Variants in PRPF40B observed in about 807,000 individuals in gnomAD.
PRPF40B encodes pre-mRNA-processing factor 40 homolog B.
Under a neutral mutation model 124.5 loss-of-function variants are expected in PRPF40B, and 56 were observed. The ratio of observed to expected loss-of-function variants is 0.45; its 90% CI spans 0.36 to 0.56. PRPF40B has a LOEUF of 0.56. PRPF40B is among the 20% of genes least tolerant of loss of function. The pLI, the probability that PRPF40B is intolerant of heterozygous loss-of-function variation, is 0.00. For synonymous variants in PRPF40B, 443 were observed against 426.4 expected (o/e 1.04, Z -0.48); for missense variants, 1,053 against 1,169.5 (o/e 0.90, Z 1.45).
chr12:49,632,163 C>CTT (rs1217849610), intron 4 of PRPF40B: 2 of 607,368 alleles, frequency 3.3e-6, no homozygotes, highest in African/African-American at 3.7e-5. Flanking sequence ...GTCCAGCTCC[C>CTT]TTAAGGAGCA....
At chr12:49,644,057 C>T in intron 25 of PRPF40B, 43 bp from the exon 26 acceptor site, 1 of 1,614,158 alleles carries the variant, frequency 6.2e-7, no homozygotes, top group Non-Finnish European at 8.5e-7. Flanking sequence ...CTTCCACGGC[C>T]CTTAGTGCAG....
At chr12:49,641,872 G>A (rs368121359) in intron 18 of PRPF40B, 36 bp from the exon 19 acceptor site, 17 of 1,587,412 alleles carry the variant, frequency 1.1e-5, no homozygotes, top group East Asian at 4.5e-5. Flanking sequence ...CCTCAGGCAC[G>A]TGGTGCCCCT....
chr12:49,636,610 T>C, intron 15 of PRPF40B, 106 bp from the exon 16 acceptor site: 1 of 1,504,488 alleles, frequency 6.6e-7, no homozygotes, highest in South Asian at 1.2e-5. Context: ...CCACCCTGGG[T>C]ATCCCTAGCA....
intron 18 of PRPF40B, chr12:49,638,523 G>A (rs188074698): frequency 6.6e-6 from 1 of 152,230 alleles, no homozygotes; most frequent in Non-Finnish European, 1.5e-5. Context: ...TTCTTCTACT[G>A]GAGAAGAGAA....
chr12:49,630,601 G>GC lies in PRPF40B; in HGVS notation c.66dup (p.Met23HisfsTer100), dbSNP rs1457044924. The GC allele has an allele frequency of 3.7e-6, 5 of 1,349,786 alleles. No homozygotes were observed. Among genetic ancestry groups the GC allele is most frequent in the African/African-American group, 1.4e-5 (1 of 69,816 alleles). The allele number at this position is 1,349,786 out of a possible 1,614,324, so 83.6% of individuals were successfully genotyped here. ...CAGCGCCTGCCCCCTTCCCACCGGG[G>GC]CCCCCCATGATGCCACCACCCTTCG... On this transcript the variant is annotated frameshift_variant, in exon 2 of 26. Coordinates refer to ENST00000548825, the MANE Select transcript of PRPF40B (RefSeq NM_001031698.3). LOFTEE classifies it high-confidence loss of function.
chr12:49,628,257 T>C (rs1467531777), intron 1 of PRPF40B, among the ~76,000 whole-genome samples: 1 of 152,084 alleles, frequency 6.6e-6, no homozygotes, highest in Admixed American at 6.6e-5. Context: ...CAGTTTGTTG[T>C]TGTTGTTGTT....
Position 49,632,996 on chromosome 12 carries a change from G to GGGGGC in PRPF40B, c.349-18_349-17insGGGGC. 4 of 1,147,386 alleles carry GGGGGC rather than the reference G, an allele frequency of 3.5e-6. No homozygotes were observed. Among genetic ancestry groups the GGGGGC allele is most frequent in the Non-Finnish European group, 4.9e-6 (4 of 823,000 alleles). The allele number at this position is 1,147,386 out of a possible 1,614,324, so 71.1% of individuals were successfully genotyped here. A position where few individuals can be genotyped will look rare whatever the true frequency, so the allele number is the denominator to read the frequency against. Reference sequence around the variant, plus strand: ...AAAGGGGCCTTGACCACCATTCTGTGCCCCCCCCCCCACCCAGAGGGCCCT... The same window carrying GGGGGC: ...AAAGGGGCCTTGACCACCATTCTGTGGGGGCCCCCCCCCCCCACCCAGAGGGCCCT... On this transcript the variant is annotated splice_polypyrimidine_tract_variant and intron_variant, in intron 6 of 25. Transcript: ENST00000548825.
intron 1 of PRPF40B, among the ~76,000 whole-genome samples, chr12:49,624,632 C>T (rs1156612834): frequency 6.6e-6 from 1 of 152,118 alleles, no homozygotes; most frequent in Non-Finnish European, 1.5e-5. Flanking sequence ...GGCGAATCAC[C>T]TGAGGTCAGG....
chr12:49,623,611 G>T lies in PRPF40B; in HGVS notation c.3+18G>T, dbSNP rs1454155333. The T allele has an allele frequency of 3.2e-6, 4 of 1,233,310 alleles. No homozygotes were observed. The South Asian group carries it at 1.2e-4, about 36-fold the overall frequency. The allele number at this position is 1,233,310 out of a possible 1,614,324, so 76.4% of individuals were successfully genotyped here. The stretch of plus-strand genomic sequence containing the variant: ...CTGGCATGGTAACATCCCCGCGCGG[G>T]GGTGGAGGGGCTCGGGGCGGTCCCA... On this transcript the variant is annotated intron_variant, in intron 1 of 25. Transcript: ENST00000548825.
At position 49,642,406 on chromosome 12, in the gene PRPF40B, A is replaced by G; in HGVS notation, c.2022+34A>G. ...CGTAGCCTGGCCCCAAGCACCCCTC[A>G]AGCCTGAGGGCAGCGGTGCTTCACC... On this transcript the variant is annotated intron_variant, in intron 20 of 25. Coordinates refer to ENST00000548825, the MANE Select transcript of PRPF40B (RefSeq NM_001031698.3). The surrounding 1 kb of genome is among the most constrained non-coding windows in gnomAD (Gnocchi z 5.8). The G allele has an allele frequency of 6.2e-7, 1 of 1,608,958 alleles. No individual in the cohort carries two copies. Among genetic ancestry groups the G allele is most frequent in the Non-Finnish European group, 8.5e-7 (1 of 1,176,488 alleles).
Position 49,629,923 on chromosome 12 carries a change from A to C in PRPF40B, c.4-622A>C, listed in dbSNP as rs542433067. Reference sequence around the variant, plus strand: ...GGACACCAAAAAGGGGATGGAGATAAAGCCAAAGAGATGAAGTTGGCGATT... The same window carrying C: ...GGACACCAAAAAGGGGATGGAGATACAGCCAAAGAGATGAAGTTGGCGATT... On this transcript the variant is annotated intron_variant, in intron 1 of 25. Transcript: ENST00000548825. Among the ~76,000 whole-genome samples, 3 of 152,250 alleles carry C rather than the reference A, an allele frequency of 2.0e-5. No homozygotes were observed. The East Asian group carries it at 5.8e-4, about 29-fold the overall frequency.
In PRPF40B at chr12:49,644,405, C is replaced by T. The variant is rs1565858721; in HGVS notation, c.*213C>T. The T allele has an allele frequency of 3.6e-5, 21 of 586,866 alleles. No individual in the cohort carries two copies. The South Asian group carries it at 4.1e-4, about 11-fold the overall frequency. The allele number at this position is 586,866 out of a possible 1,614,324, so 36.4% of individuals were successfully genotyped here. ...GGACTAGTGCAGTCCTTGCCCTCAG[C>T]CCCAGACCAGAGATGGGTGGTATAT... On this transcript the variant is annotated 3_prime_UTR_variant, in exon 26 of 26. Coordinates refer to ENST00000548825, the MANE Select transcript of PRPF40B (RefSeq NM_001031698.3).
At chr12:49,627,736 T>C (rs939178154) in intron 1 of PRPF40B, among the ~76,000 whole-genome samples, 1 of 152,116 alleles carries the variant, frequency 6.6e-6, no homozygotes, top group Non-Finnish European at 1.5e-5. Context: ...GAAGAGCTTG[T>C]TATAGCTGCT....
chr12:49,633,818 C>A (rs1200432417), intron 9 of PRPF40B, 68 bp from the exon 10 acceptor site: 17 of 1,607,340 alleles, frequency 1.1e-5, no homozygotes, highest in Non-Finnish European at 1.4e-5. Context: ...GATAGAGAAA[C>A]CAGCCAGCCC....
In PRPF40B at chr12:49,632,845, T is replaced by G. The variant is rs751863409; in HGVS notation, c.323-10T>G. 4.3e-6 allele frequency: 7 copies of G among 1,613,910 alleles called. No individual in the cohort carries two copies. In the Middle Eastern group the frequency reaches 6.8e-4, roughly 157 times the overall value. ...AAGGACTTAGTATGTATCCTTTGGCTTTTTTCTAGCTGCTGTGGCTGGGAC... is the reference window on the plus strand; with the variant it reads ...AAGGACTTAGTATGTATCCTTTGGCGTTTTTCTAGCTGCTGTGGCTGGGAC... On this transcript the variant is annotated splice_polypyrimidine_tract_variant and intron_variant, in intron 5 of 25. Coordinates refer to ENST00000548825, the MANE Select transcript of PRPF40B (RefSeq NM_001031698.3).
Position 49,643,000 on chromosome 12 carries a change from G to T in PRPF40B, c.2189G>T (p.Arg730Leu), listed in dbSNP as rs751840640. The T allele has an allele frequency of 1.5e-5, 25 of 1,613,626 alleles. No individual in the cohort carries two copies. Among genetic ancestry groups the T allele is most frequent in the Non-Finnish European group, 2.1e-5 (25 of 1,179,826 alleles). The change falls in exon 22 of 26, where the codon CGT becomes CTT. Residue 730 changes from arginine (R) to leucine (L), a missense_variant. This residue lies in a region of PRPF40B where 895 missense variants were observed against 1,052.2 expected (regional missense o/e 0.85). Transcript: ENST00000548825. The surrounding 1 kb of genome is among the most constrained non-coding windows in gnomAD (Gnocchi z 5.8). ...GRKGKKHHHK[R>L]SHSPSGSESE... ...AAAGGCAAGAAGCACCATCACAAGC[G>T]TTCCCACTCACCCTCAGTGAGTAAG... is the stretch of plus-strand genomic sequence containing the variant.
Position 49,641,922 on chromosome 12 carries a change from C to T in PRPF40B, c.1782C>T (p.Cys594=), listed in dbSNP as rs760830638. ...TGTACCCACAGGACCGGGGCTTCTG[C>T]GTGGAGGTGAACACGGCCTTTGAGG... ...IKDILKDRGF[C]VEVNTAFEDF... Residue 594 remains cysteine (C), a synonymous_variant, in exon 19 of 26, where the codon TGC becomes TGT. Transcript: ENST00000548825. 84 of 1,613,296 alleles carry T rather than the reference C, an allele frequency of 5.2e-5. No homozygotes were observed. Among genetic ancestry groups the T allele is most frequent in the Middle Eastern group, 1.8e-4 (1 of 5,622 alleles).
intron 4 of PRPF40B, 176 bp downstream of exon 4, chr12:49,632,101 T>C: frequency 1.5e-6 from 1 of 674,788 alleles, no homozygotes; most frequent in East Asian, 2.7e-5. Context: ...GCTCTTCTAG[T>C]TTCCCACTCA....
At chr12:49,623,456 G>A (rs1592566452), upstream of PRPF40B, 5 of 990,564 alleles carry the variant, frequency 5.0e-6, no homozygotes, top group African/African-American at 1.7e-5. Context: ...GCTCGCCGGC[G>A]GGAGCCACCG....
Sources: allele counts gnomAD v4.1 joint callset (sites outside exome capture counted in the v4.1 genomes callset), GRCh38; gene constraint gnomAD v4.1.1; regional missense constraint gnomAD v4.1.1; non-coding constraint Gnocchi (gnomAD v3.1); transcripts MANE v1.5; gene names NCBI Gene and HGNC (gene_info 2026-07-23, HGNC 2026-07-21).